The following ADARB1 variants were observed in gnomAD, a reference collection of about 807,000 sequenced individuals.
The protein encoded by ADARB1 is adenosine deaminase RNA specific B1.
ADARB1 carries 10 observed loss-of-function variants against 52.4 expected under a neutral mutation model. The ratio of observed to expected loss-of-function variants is 0.19; its 90% CI spans 0.12 to 0.32. The LOEUF is 0.32. Ranked by LOEUF, ADARB1 falls within the 10% of genes least tolerant of loss-of-function variation. ADARB1 has a pLI of 1.00. For synonymous variants in ADARB1, 349 were observed against 371.1 expected, an observed-to-expected ratio of 0.94 and a Z score of 0.68; for missense variants, 643 against 922.3, an observed-to-expected ratio of 0.70 and a Z score of 3.92.
intron 8 of ADARB1, among the ~76,000 whole-genome samples, chr21:45,197,163 A>C (rs117120929): frequency 0.028 from 4,254 of 149,724 alleles, 87 homozygotes; most frequent in South Asian, 0.095. Context: ...GGGCATCAGA[A>C]TAAGACTCAA....
chr21:45,075,321 G>T (rs1455387962), intron 1 of ADARB1, among the ~76,000 whole-genome samples: 1 of 150,992 alleles, frequency 6.6e-6, no homozygotes, highest in East Asian at 2.0e-4. Context: ...GCCCGGCATG[G>T]GACGCTGCGC....
chr21:45,131,384 TTGAG>T (rs1484952803), intron 2 of ADARB1, among the ~76,000 whole-genome samples: 1 of 152,218 alleles, frequency 6.6e-6, no homozygotes, highest in African/African-American at 2.4e-5. Context: ...TTCTGGAACA[TTGAG>T]TGTATGTTAA....
intron 2 of ADARB1, among the ~76,000 whole-genome samples, chr21:45,140,231 C>G (rs2089646953): frequency 6.6e-6 from 1 of 152,094 alleles, no homozygotes; most frequent in Admixed American, 6.6e-5. Context: ...AGTGTGCACT[C>G]TAATATATTC....
intron 2 of ADARB1, among the ~76,000 whole-genome samples, chr21:45,167,500 C>T (rs1424180631): frequency 4.6e-5 from 7 of 151,976 alleles, no homozygotes; most frequent in African/African-American, 1.7e-4. Flanking sequence ...GCCTGTAATC[C>T]CAGCACTTTG....
chr21:45,159,194 G>A (rs12185823), intron 2 of ADARB1, among the ~76,000 whole-genome samples: 47,814 of 151,984 alleles, frequency 0.31, 8,064 homozygotes, highest in Admixed American at 0.37. Flanking sequence ...CAATCATGAC[G>A]GAAGATGAAG....
chr21:45,149,784 C>A (rs1271311807), intron 2 of ADARB1, among the ~76,000 whole-genome samples: 1 of 152,238 alleles, frequency 6.6e-6, no homozygotes, highest in Non-Finnish European at 1.5e-5. Context: ...TCGGATAATG[C>A]TTGTTCTGTT....
chr21:45,131,775 G>C (rs2088952651), intron 2 of ADARB1, among the ~76,000 whole-genome samples: 1 of 152,246 alleles, frequency 6.6e-6, no homozygotes, highest in Admixed American at 6.5e-5. Context: ...ACTTTTCAGA[G>C]GGGCTCTTGG....
In ADARB1 at chr21:45,222,319, C is replaced by G. The variant is rs569844677; in HGVS notation, c.*122C>G. 1 of 1,407,700 alleles carries G rather than the reference C, an allele frequency of 7.1e-7. No individual in the cohort carries two copies. Among genetic ancestry groups the G allele is most frequent in the East Asian group, 2.7e-5 (1 of 36,814 alleles). 87.2% of individuals were successfully genotyped at this position (1,407,700 alleles called of 1,614,324 possible). A position where few individuals can be genotyped will look rare whatever the true frequency, so the allele number is the denominator to read the frequency against. ...GGAGGGAGTAGGGGGACACGGGGGA[C>G]CACCAGGTGTCCACGGTTGTCCCCA... On this transcript the variant is annotated 3_prime_UTR_variant, in exon 11 of 11. Coordinates refer to ENST00000348831, the MANE Select transcript of ADARB1 (RefSeq NM_001112.4).
intron 1 of ADARB1, among the ~76,000 whole-genome samples, chr21:45,113,710 C>T (rs2087674357): frequency 6.6e-6 from 1 of 152,044 alleles, no homozygotes; most frequent in African/African-American, 2.4e-5. Context: ...CCCAGAGGAG[C>T]CTGTGCAGCA....
intron 7 of ADARB1, chr21:45,184,467 G>A: frequency 8.9e-6 from 1 of 112,284 alleles, no homozygotes; most frequent in South Asian, 1.2e-4. Flanking sequence ...TTTTTTTTTT[G>A]AGACAGGGTC....
chr21:45,183,533 A>C, intron 7 of ADARB1, 23 bp downstream of exon 7: 1 of 1,608,876 alleles, frequency 6.2e-7, no homozygotes, highest in African/African-American at 1.3e-5. Context: ...ATTCTTCAAC[A>C]AGCCAGTTTC....
intron 2 of ADARB1, among the ~76,000 whole-genome samples, chr21:45,140,147 T>C (rs1392893616): frequency 1.3e-5 from 2 of 152,074 alleles, no homozygotes; most frequent in African/African-American, 4.8e-5. Context: ...GTTGCCATGT[T>C]GGCCAGGCTA....
At chr21:45,158,909 G>A (rs1364437309) in intron 2 of ADARB1, among the ~76,000 whole-genome samples, 2 of 152,142 alleles carry the variant, frequency 1.3e-5, no homozygotes, top group Non-Finnish European at 2.9e-5. Context: ...TCTCCCGTGG[G>A]TCTGCTCCCC....
intron 2 of ADARB1, among the ~76,000 whole-genome samples, chr21:45,150,029 G>A (rs897243910): frequency 8.5e-5 from 13 of 152,346 alleles, no homozygotes; most frequent in African/African-American, 2.4e-4. Context: ...CACGCCTGTA[G>A]TCCCAGCATT....
At chr21:45,106,611 A>G (rs1361809398) in intron 1 of ADARB1, among the ~76,000 whole-genome samples, 1 of 152,210 alleles carries the variant, frequency 6.6e-6, no homozygotes, top group African/African-American at 2.4e-5. Context: ...TATTTAGCTC[A>G]CTTTACTTTA....
chr21:45,087,442 G>A (rs1449466045), intron 1 of ADARB1, among the ~76,000 whole-genome samples: 1 of 152,190 alleles, frequency 6.6e-6, no homozygotes, highest in Non-Finnish European at 1.5e-5. Context: ...AGAAGGGGAT[G>A]CAGGAAGACA....
intron 8 of ADARB1, among the ~76,000 whole-genome samples, chr21:45,199,552 A>G (rs1428923171): frequency 6.6e-6 from 1 of 152,224 alleles, no homozygotes; most frequent in East Asian, 1.9e-4. Flanking sequence ...TGTGCAGAGA[A>G]GCAGCCCACC....
At chr21:45,135,119 C>A (rs1477042004) in intron 2 of ADARB1, among the ~76,000 whole-genome samples, 1 of 152,222 alleles carries the variant, frequency 6.6e-6, no homozygotes, top group Non-Finnish European at 1.5e-5. Flanking sequence ...TAGAAATGGG[C>A]AGACCTGCTC....
At chr21:45,170,386 G>A (rs188181715) in intron 2 of ADARB1, among the ~76,000 whole-genome samples, 13 of 152,274 alleles carry the variant, frequency 8.5e-5, no homozygotes, top group African/African-American at 1.9e-4. Flanking sequence ...TGCTTTGCAC[G>A]TAATAGATTC....
Sources: allele counts gnomAD v4.1 joint callset (sites outside exome capture counted in the v4.1 genomes callset), GRCh38; gene constraint gnomAD v4.1.1; transcripts MANE v1.5; gene names NCBI Gene and HGNC (gene_info 2026-07-23, HGNC 2026-07-21).